HIVEP3: variants seen among roughly 807,000 people sequenced by gnomAD.
HIVEP3 encodes transcription factor HIVEP3.
Under a neutral mutation model 152.8 loss-of-function variants are expected in HIVEP3, and 49 were observed. The observed-to-expected ratio is 0.32, with a 90% CI of 0.26 to 0.41. The LOEUF (loss-of-function observed/expected upper bound fraction) is 0.41. Among genes scored for constraint, HIVEP3 ranks in the 10% least tolerant of loss-of-function variants. The pLI is 1.00. For missense variants in HIVEP3, 2,790 were observed against 3,103.3 expected, an observed-to-expected ratio of 0.90 and a Z score of 2.40; for synonymous variants, 1,269 against 1,289.0, an observed-to-expected ratio of 0.98 and a Z score of 0.33.
intron 5 of HIVEP3, among the ~76,000 whole-genome samples, chr1:41,547,695 T>C (rs1400252675): frequency 6.6e-6 from 1 of 152,244 alleles, no homozygotes; most frequent in Non-Finnish European, 1.5e-5. Context: ...TGGGGATTTA[T>C]TTAAAAAAGC....
Position 41,585,299 on chromosome 1 carries a change from G to A in HIVEP3, c.-502C>T, listed in dbSNP as rs1279694376. Reference sequence around the variant, plus strand: ...TGGGTTGGAGATCAACGGCCTTGGAGGAGAAATCACGCTCTTCTTCTGTGT... The same window carrying A: ...TGGGTTGGAGATCAACGGCCTTGGAAGAGAAATCACGCTCTTCTTCTGTGT... On this transcript the variant is annotated 5_prime_UTR_variant, in exon 4 of 9. Transcript: ENST00000372583. The A allele has an allele frequency of 1.5e-5, 6 of 398,902 alleles. No individual in the cohort carries two copies. Among genetic ancestry groups the A allele is most frequent in the Non-Finnish European group, 4.4e-6 (1 of 226,180 alleles). 24.7% of individuals were successfully genotyped at this position (398,902 alleles called of 1,614,324 possible).
In HIVEP3 at chr1:41,585,248, G is replaced by T. The variant is rs927648388; in HGVS notation, c.-451C>A. The T allele has an allele frequency of 7.5e-6, 3 of 398,988 alleles. No individual in the cohort carries two copies. The highest frequency in any genetic ancestry group is 1.3e-5 in the Non-Finnish European group (3 of 226,202). The allele number at this position is 398,988 out of a possible 1,614,324, so 24.7% of individuals were successfully genotyped here. A position where few individuals can be genotyped will look rare whatever the true frequency, so the allele number is the denominator to read the frequency against. On this transcript the variant is annotated 5_prime_UTR_variant, in exon 4 of 9. Transcript: ENST00000372583. ...ACAAGAGATGCCACGCTGGATGCTG[G>T]GGGTGGCTCTTCTCCCCTTTAGTTC...
chr1:41,804,975 C>T (rs988219176), intron 1 of HIVEP3, among the ~76,000 whole-genome samples: 3 of 152,206 alleles, frequency 2.0e-5, no homozygotes, highest in African/African-American at 4.8e-5. Flanking sequence ...CCTACTTTCC[C>T]GGTAGGCAAG....
chr1:41,576,120 A>G (rs965835377), intron 4 of HIVEP3, among the ~76,000 whole-genome samples: 1 of 152,208 alleles, frequency 6.6e-6, no homozygotes, highest in African/African-American at 2.4e-5. Context: ...TTGGAGATGA[A>G]CTGGTCCAGT....
chr1:41,608,745 G>GT (rs1279189078), intron 3 of HIVEP3, among the ~76,000 whole-genome samples: 1 of 152,128 alleles, frequency 6.6e-6, no homozygotes, highest in Non-Finnish European at 1.5e-5. Context: ...TTCCTATCTT[G>GT]TTTTCTAATG....
chr1:41,527,452 A>C, intron 5 of HIVEP3, among the ~76,000 whole-genome samples: 1 of 61,484 alleles, frequency 1.6e-5, no homozygotes, highest in South Asian at 5.9e-4. Context: ...CCTCACCCTC[A>C]CACCCCTGTC....
At chr1:41,650,454 T>C (rs1363523903) in intron 2 of HIVEP3, among the ~76,000 whole-genome samples, 1 of 152,176 alleles carries the variant, frequency 6.6e-6, no homozygotes, top group Admixed American at 6.5e-5. Context: ...AGGCACTGTG[T>C]TAAATATTTG....
At position 41,573,431 on chromosome 1, in the gene HIVEP3, G is replaced by C. The variant is rs184167059; in HGVS notation, c.5207+2113C>G. 1.1e-3 allele frequency among the ~76,000 whole-genome samples: 163 copies of C among 152,294 alleles called. 1 individual carries two copies. Among genetic ancestry groups the C allele is most frequent in the African/African-American group, 3.9e-3 (160 of 41,548 alleles). Reference sequence around the variant, plus strand: ...TAGAAGAATCACCAGAAGTGAGAGTGGGAGGCATGGTCCCAGCTTGAGATA... The same window carrying C: ...TAGAAGAATCACCAGAAGTGAGAGTCGGAGGCATGGTCCCAGCTTGAGATA... On this transcript the variant is annotated intron_variant, in intron 5 of 8. Coordinates refer to ENST00000372583, the MANE Select transcript of HIVEP3 (RefSeq NM_024503.5).
chr1:41,647,730 TCCTCAG>T (rs1645482666), intron 2 of HIVEP3, among the ~76,000 whole-genome samples: 1 of 152,210 alleles, frequency 6.6e-6, no homozygotes, highest in Admixed American at 6.5e-5. Context: ...GAGTCTCCTC[TCCTCAG>T]CCTCACTGCC....
intron 1 of HIVEP3, among the ~76,000 whole-genome samples, chr1:41,992,208 T>G (rs981331085): frequency 2.7e-4 from 41 of 151,918 alleles, no homozygotes; most frequent in African/African-American, 9.9e-4. Context: ...GAAGTCAAAT[T>G]GTCCCTCTTT....
intron 2 of HIVEP3, among the ~76,000 whole-genome samples, chr1:41,672,230 C>A (rs1374805132): frequency 6.6e-6 from 1 of 152,162 alleles, no homozygotes; most frequent in Non-Finnish European, 1.5e-5. Context: ...TGGGGCAGGC[C>A]CCATGTGCAG....
In HIVEP3 at chr1:41,583,834, C is replaced by T. The variant is rs560610413; in HGVS notation, c.964G>A (p.Glu322Lys). 9 of 1,606,454 alleles carry T rather than the reference C, an allele frequency of 5.6e-6. No individual in the cohort carries two copies. Among genetic ancestry groups the T allele is most frequent in the Admixed American group, 1.7e-5 (1 of 59,588 alleles). ...CTGGACTGGGACAGGGAACAGCGTT[C>T]GTGGCTGGAACTGTGGCTCCCAGAG... ...YSSGSHSSSH[E>K]RCSLSQSSTA... The change falls in exon 4 of 9, where the codon GAA becomes AAA. Residue 322 changes from glutamate to lysine, a missense_variant. Glu to Lys is a moderately conservative substitution (Grantham distance 56). Around this residue, in one of 9 missense-constraint regions of HIVEP3, gnomAD observed 125 missense variants for 130.1 expected, o/e 0.96. Coordinates refer to ENST00000372583, the MANE Select transcript of HIVEP3 (RefSeq NM_024503.5). The surrounding 1 kb of genome is among the most constrained non-coding windows in gnomAD (Gnocchi z 6.9).
At chr1:41,605,188 A>AAGGGG in intron 3 of HIVEP3, among the ~76,000 whole-genome samples, 1 of 136,910 alleles carries the variant, frequency 7.3e-6, no homozygotes. Flanking sequence ...GAGGGGAGGG[A>AAGGGG]AGGGAAGGGA....
At chr1:41,738,247 T>C (rs1646947404) in intron 1 of HIVEP3, among the ~76,000 whole-genome samples, 2 of 152,066 alleles carry the variant, frequency 1.3e-5, no homozygotes, top group South Asian at 4.1e-4. Context: ...TCTCACAAAC[T>C]CTGGCCAAGC....
chr1:41,977,524 C>T (rs1302952576), intron 1 of HIVEP3, among the ~76,000 whole-genome samples: 1 of 152,196 alleles, frequency 6.6e-6, no homozygotes, highest in Admixed American at 6.5e-5. Context: ...ATCCCCCCAT[C>T]TCTCCTGCAG....
upstream of HIVEP3, among the ~76,000 whole-genome samples, chr1:41,919,131 CATATT>C (rs1437816639): frequency 2.6e-5 from 4 of 151,686 alleles, no homozygotes; most frequent in Non-Finnish European, 5.9e-5. Context: ...TATATGCACA[CATATT>C]ATATATATAT....
rs1286121211 is a variant in HIVEP3, at chr1:41,584,343, A to G, written c.455T>C (p.Ile152Thr). The change falls in exon 4 of 9, where the codon ATT (isoleucine) becomes ACT (threonine). Residue 152 changes from isoleucine to threonine, a missense_variant. By Grantham distance (89) the Ile-to-Thr change is moderately conservative. This residue lies in a region of HIVEP3 where 209 missense variants were observed against 237.0 expected (regional missense o/e 0.88). Coordinates refer to ENST00000372583, the MANE Select transcript of HIVEP3 (RefSeq NM_024503.5). This position sits in a 1 kb window ranked among gnomAD's most constrained non-coding sequence, Gnocchi z 5.2. Reference sequence around the variant, plus strand: ...GACTCCAGGAAGGTCCTCGGGGGGAATGATGGAAGCGTGGGAAGGAAGGAG... The same window carrying G: ...GACTCCAGGAAGGTCCTCGGGGGGAGTGATGGAAGCGTGGGAAGGAAGGAG... ...SQLLPSHASI[I>T]PPEDLPGVPK... 1 of 1,613,818 alleles carries G rather than the reference A, an allele frequency of 6.2e-7. No individual in the cohort carries two copies. The highest frequency in any genetic ancestry group is 1.3e-5 in the African/African-American group (1 of 75,002).
At position 41,510,744 on chromosome 1, in the gene HIVEP3, T is replaced by C; in HGVS notation, c.6928A>G (p.Thr2310Ala). ...GGCCGGGGCAAGGTGTCGGGTGGGG[T>C]GCAGGGGCTGTGCGTGGGTGTGGGC... ...AEPTPTHSPCTPPDTLPRPPQ... is the reference protein window; with the variant it reads ...AEPTPTHSPCAPPDTLPRPPQ... Residue 2310 changes from threonine (T) to alanine (A), a missense_variant, in exon 9 of 9, where the codon ACC (threonine) becomes GCC (alanine). By Grantham distance (58) the Thr-to-Ala change is moderately conservative. This residue lies in a region of HIVEP3 where 816 missense variants were observed against 806.5 expected (regional missense o/e 1.01). Transcript: ENST00000372583. 1 of 1,572,480 alleles carries C rather than the reference T, an allele frequency of 6.4e-7. No homozygotes were observed. Among genetic ancestry groups the C allele is most frequent in the South Asian group, 1.2e-5 (1 of 86,808 alleles).
intron 1 of HIVEP3, among the ~76,000 whole-genome samples, chr1:41,815,002 A>C (rs543207687): frequency 1.3e-5 from 2 of 152,372 alleles, no homozygotes; most frequent in Admixed American, 1.3e-4. Context: ...AGGTTCTAGC[A>C]GAGGAGACAG....
Sources: gnomAD v4.1 joint callset for allele counts (sites outside exome capture counted in the v4.1 genomes callset) on GRCh38, gnomAD v4.1.1 for gene constraint, gnomAD v4.1.1 regional missense constraint, Gnocchi (gnomAD v3.1) non-coding constraint, MANE v1.5 for transcripts, NCBI Gene and HGNC (gene_info 2026-07-23, HGNC 2026-07-21) for gene names.